KLRG1: variants seen among roughly 807,000 people sequenced by gnomAD.
KLRG1 encodes killer cell lectin-like receptor subfamily G member 1.
Under a neutral mutation model 21.8 loss-of-function variants are expected in KLRG1, and 16 were observed. That is an observed-to-expected ratio of 0.73 (90% CI 0.50 to 1.11). KLRG1 has a LOEUF of 1.11. Among genes scored for constraint, KLRG1 ranks in the 50% most tolerant of loss-of-function variants. The pLI is 0.00. For missense variants in KLRG1, 173 were observed against 218.3 expected, an observed-to-expected ratio of 0.79 and a Z score of 1.31; for synonymous variants, 69 against 75.9, an observed-to-expected ratio of 0.91 and a Z score of 0.47.
chr12:8,959,163 G>T (rs1050967930), intron 1 of KLRG1, among the ~76,000 whole-genome samples: 1 of 152,110 alleles, frequency 6.6e-6, no homozygotes, highest in African/African-American at 2.4e-5. Context: ...CTTGAACTTT[G>T]CTGAAGAATA....
chr12:8,995,547 A>G (rs1172952182), intron 3 of KLRG1, among the ~76,000 whole-genome samples: 1 of 152,082 alleles, frequency 6.6e-6, no homozygotes, highest in Non-Finnish European at 1.5e-5. Flanking sequence ...ATGCTTGTAT[A>G]GCATGTAAGT....
chr12:9,056,034 T>C, the KLRG1 span, among the ~76,000 whole-genome samples: 1 of 152,152 alleles, frequency 6.6e-6, no homozygotes, highest in African/African-American at 2.4e-5. Flanking sequence ...ATGTAGATGA[T>C]TTTGTATTTA....
chr12:8,977,408 G>T (rs1946676253), intron 1 of KLRG1, among the ~76,000 whole-genome samples: 1 of 148,122 alleles, frequency 6.8e-6, no homozygotes, highest in African/African-American at 2.5e-5. Context: ...TAGAGACAGG[G>T]TTTCACCATG....
At chr12:9,015,968 A>G in the KLRG1 span, among the ~76,000 whole-genome samples, 1 of 152,190 alleles carries the variant, frequency 6.6e-6, no homozygotes, top group African/African-American at 2.4e-5. Flanking sequence ...ATAAATGATA[A>G]TGGAAACATA....
At chr12:9,153,995 G>A in the KLRG1 span, among the ~76,000 whole-genome samples, 2 of 152,298 alleles carry the variant, frequency 1.3e-5, no homozygotes, top group South Asian at 4.1e-4. Flanking sequence ...AGCACTCTCA[G>A]GGAAAGTAGA....
intron 1 of KLRG1, among the ~76,000 whole-genome samples, chr12:8,980,219 C>CT (rs1217118780): frequency 4.6e-5 from 7 of 151,866 alleles, no homozygotes; most frequent in African/African-American, 1.7e-4. Context: ...ATGCCTGGCC[C>CT]TGTTTTTTTT....
chr12:9,144,304 C>A, the KLRG1 span, among the ~76,000 whole-genome samples: 1 of 152,156 alleles, frequency 6.6e-6, no homozygotes, highest in Non-Finnish European at 1.5e-5. Flanking sequence ...ACTCTGAGAG[C>A]CCACTGGAGA....
chr12:9,025,565 A>G, the KLRG1 span, among the ~76,000 whole-genome samples: 1 of 152,192 alleles, frequency 6.6e-6, no homozygotes, highest in South Asian at 2.1e-4. Context: ...TGAACCCAGG[A>G]GGTGGAGTTT....
At chr12:9,214,678 A>G in the KLRG1 span, among the ~76,000 whole-genome samples, 1 of 151,968 alleles carries the variant, frequency 6.6e-6, no homozygotes, top group Non-Finnish European at 1.5e-5. Context: ...TTTTGTTGCA[A>G]TGCGTCCGTC....
the KLRG1 span, chr12:9,165,038 C>G: frequency 1.4e-6 from 2 of 1,386,992 alleles, no homozygotes. Flanking sequence ...AACACACAAT[C>G]CCTTGAATTA....
chr12:9,197,879 ATAT>A, the KLRG1 span, among the ~76,000 whole-genome samples: 4 of 122,454 alleles, frequency 3.3e-5, no homozygotes, highest in Middle Eastern at 3.9e-3. Flanking sequence ...TATAATATAA[ATAT>A]TAATAATATA....
downstream of KLRG1, among the ~76,000 whole-genome samples, chr12:9,013,248 G>T (rs769188189): frequency 3.9e-5 from 6 of 152,270 alleles, no homozygotes; most frequent in Non-Finnish European, 7.3e-5. Context: ...TCCCAAGAAG[G>T]ATGGGTACAA....
the KLRG1 span, among the ~76,000 whole-genome samples, chr12:9,143,999 C>T: frequency 3.9e-5 from 6 of 152,218 alleles, no homozygotes; most frequent in Non-Finnish European, 5.9e-5. Flanking sequence ...TTCTTCTAGC[C>T]TAGTCCCACT....
At chr12:9,101,910 T>G in the KLRG1 span, among the ~76,000 whole-genome samples, 3 of 152,170 alleles carry the variant, frequency 2.0e-5, no homozygotes, top group African/African-American at 7.2e-5. Flanking sequence ...CTTAAGAGCA[T>G]AAAAGGAGGC....
At chr12:8,971,495 A>T (rs972098593) in intron 1 of KLRG1, among the ~76,000 whole-genome samples, 6 of 151,142 alleles carry the variant, frequency 4.0e-5, no homozygotes, top group East Asian at 1.9e-4. Context: ...TTATTTATTT[A>T]TTTTTTTTGA....
chr12:9,081,710 C>T, the KLRG1 span, among the ~76,000 whole-genome samples: 7 of 152,268 alleles, frequency 4.6e-5, no homozygotes, highest in East Asian at 1.9e-4. Context: ...GTTTCTACAG[C>T]GGGGAAGAGA....
the KLRG1 span, among the ~76,000 whole-genome samples, chr12:9,195,418 T>TTTTCCTTCTTTTCCTTTTCCTTCCCC: frequency 2.0e-5 from 3 of 148,974 alleles, no homozygotes; most frequent in Non-Finnish European, 4.5e-5. Flanking sequence ...CCCTTCCCCT[T>TTTTCCTTCTTTTCCTTTTCCTTCCCC]TTTCCTTCTT....
At chr12:9,066,273 G>A in the KLRG1 span, 1 of 152,330 alleles carries the variant, frequency 6.6e-6, no homozygotes, top group Non-Finnish European at 1.5e-5. Flanking sequence ...CCAGACCTGG[G>A]AGCTCCTTGA....
chr12:9,074,412 A>G, the KLRG1 span: 1 of 786,554 alleles, frequency 1.3e-6, no homozygotes, highest in Admixed American at 2.9e-5. Flanking sequence ...ATTTGCTTTT[A>G]TTTCCATTAT....
Sources: gnomAD v4.1 joint callset for allele counts (sites outside exome capture counted in the v4.1 genomes callset) on GRCh38, gnomAD v4.1.1 for gene constraint, MANE v1.5 for transcripts, NCBI Gene and HGNC (gene_info 2026-07-23, HGNC 2026-07-21) for gene names.